Variants in PAK1 observed in about 807,000 individuals in gnomAD.
PAK1 encodes p21 (RAC1) activated kinase 1.
PAK1 carries 29 observed loss-of-function variants against 67.4 expected under a neutral mutation model. The observed-to-expected ratio is 0.43, with a 90% confidence interval of 0.32 to 0.59. The LOEUF is 0.59. Ranked by LOEUF, PAK1 falls within the 20% of genes least tolerant of loss-of-function variation. The pLI is 0.07. For synonymous variants in PAK1, 223 were observed against 237.4 expected (o/e 0.94, Z 0.56); for missense variants, 337 against 670.7 (o/e 0.50, Z 5.50).
Position 77,322,997 on chromosome 11 carries a change from AT to A in PAK1, c.*276del, listed in dbSNP as rs1375880215. ...TTTTGACACACGGAAGACTAGAAAC[AT>A]TTATTTATATAAACCCTTAATCATA... On this transcript the variant is annotated 3_prime_UTR_variant, in exon 15 of 15. Coordinates refer to ENST00000356341, the MANE Select transcript of PAK1 (RefSeq NM_002576.5). The A allele has an allele frequency of 9.6e-6, 6 of 626,824 alleles. No homozygotes were observed. In the African/African-American group the frequency reaches 1.1e-4, roughly 12 times the overall value. 38.8% of individuals were successfully genotyped at this position (626,824 alleles called of 1,614,324 possible).
chr11:77,524,210 T>C, the PAK1 span, among the ~76,000 whole-genome samples: 1 of 152,228 alleles, frequency 6.6e-6, no homozygotes, highest in Non-Finnish European at 1.5e-5. Context: ...AATGTTCTAA[T>C]TGTCATCAGG....
the PAK1 span, among the ~76,000 whole-genome samples, chr11:77,495,019 G>A: frequency 2.2e-4 from 34 of 151,668 alleles, 1 homozygote; most frequent in African/African-American, 7.5e-4. Context: ...AAAATTAGCC[G>A]GTTGTGGTGA....
At chr11:77,473,370 G>C (rs1301687735) in intron 1 of PAK1, 182 bp downstream of exon 1, 1 of 152,160 alleles carries the variant, frequency 6.6e-6, no homozygotes, top group South Asian at 2.1e-4. Flanking sequence ...TTGGCCCGAC[G>C]GGAGCGGGCC....
intron 1 of PAK1, among the ~76,000 whole-genome samples, chr11:77,464,473 A>C (rs1957500928): frequency 6.6e-6 from 1 of 152,222 alleles, no homozygotes; most frequent in South Asian, 2.1e-4. Context: ...AATCTTTGTA[A>C]GAGCAAGGAC....
chr11:77,463,359 G>C (rs570336177), intron 1 of PAK1, among the ~76,000 whole-genome samples: 1 of 151,916 alleles, frequency 6.6e-6, no homozygotes, highest in East Asian at 1.9e-4. Flanking sequence ...CCCTGCCAAT[G>C]TTTTATTTAA....
chr11:77,418,732 A>C (rs1358034491), intron 1 of PAK1, among the ~76,000 whole-genome samples: 1 of 152,210 alleles, frequency 6.6e-6, no homozygotes, highest in Admixed American at 6.5e-5. Flanking sequence ...TAAGTATGCC[A>C]TCTCTTTAAA....
intron 6 of PAK1, among the ~76,000 whole-genome samples, chr11:77,358,384 A>T (rs769017687): frequency 2.7e-4 from 41 of 152,176 alleles, no homozygotes; most frequent in Non-Finnish European, 4.9e-4. Context: ...GTTAAATAGA[A>T]ATCACTGCCA....
At chr11:77,418,833 A>G (rs1231177506) in intron 1 of PAK1, among the ~76,000 whole-genome samples, 1 of 152,226 alleles carries the variant, frequency 6.6e-6, no homozygotes, top group Non-Finnish European at 1.5e-5. Flanking sequence ...CCAGGAAATC[A>G]CCACTAATAG....
intron 1 of PAK1, among the ~76,000 whole-genome samples, chr11:77,429,093 A>C (rs1225483): frequency 0.26 from 27,548 of 106,308 alleles, 4,427 homozygotes; most frequent in Non-Finnish European, 0.32. Flanking sequence ...AAAAAAAAAA[A>C]ACACACACAC....
chr11:77,505,645 G>GT, the PAK1 span, among the ~76,000 whole-genome samples: 4 of 152,220 alleles, frequency 2.6e-5, no homozygotes, highest in Admixed American at 2.6e-4. Context: ...GGTATCTCAC[G>GT]TAAGTGGAAT....
At chr11:77,431,067 C>A (rs2138320437) in intron 1 of PAK1, among the ~76,000 whole-genome samples, 2 of 151,702 alleles carry the variant, frequency 1.3e-5, no homozygotes, top group East Asian at 3.9e-4. Flanking sequence ...TTCTGAACCA[C>A]CCCCACCCCC....
intron 7 of PAK1, among the ~76,000 whole-genome samples, chr11:77,354,722 T>C (rs572658054): frequency 1.3e-5 from 2 of 152,264 alleles, no homozygotes; most frequent in East Asian, 1.9e-4. Flanking sequence ...TTTAAAGTCA[T>C]ATAGGAATTA....
intron 1 of PAK1, among the ~76,000 whole-genome samples, chr11:77,404,000 T>C (rs1408866778): frequency 2.6e-5 from 4 of 152,150 alleles, no homozygotes; most frequent in African/African-American, 7.2e-5. Context: ...ACTTCCCTTG[T>C]TACTCTTGCT....
chr11:77,383,321 AT>A lies in PAK1; in HGVS notation c.191-3328del, dbSNP rs1162924725. On this transcript the variant is annotated intron_variant, in intron 2 of 14. Transcript: ENST00000356341. The stretch of plus-strand genomic sequence containing the variant: ...CAGGATTTAGCTTGGGTACTGTGTA[AT>A]TTTTTTTTTTTTTTTTTTTGAGACA... Among the ~76,000 whole-genome samples the A allele has an allele frequency of 7.1e-3, 967 of 135,626 alleles. 6 individuals are homozygous for A. Among genetic ancestry groups the A allele is most frequent in the African/African-American group, 0.017 (637 of 36,402 alleles). The allele number at this position is 135,626 out of a possible 152,430, so 89.0% of individuals were successfully genotyped here.
the PAK1 span, among the ~76,000 whole-genome samples, chr11:77,499,215 T>G: frequency 5.8e-3 from 876 of 151,690 alleles, 7 homozygotes; most frequent in African/African-American, 0.02. Flanking sequence ...CTACCAGGAA[T>G]ATCTATTGTT....
chr11:77,521,916 C>T, the PAK1 span, among the ~76,000 whole-genome samples: 3 of 151,946 alleles, frequency 2.0e-5, no homozygotes, highest in Admixed American at 1.3e-4. Context: ...CAGGGTTAGC[C>T]GAAAATGTAG....
At chr11:77,528,328 CTT>C in the PAK1 span, among the ~76,000 whole-genome samples, 1 of 147,058 alleles carries the variant, frequency 6.8e-6, no homozygotes, top group Admixed American at 6.8e-5. Context: ...CAAAAAATAA[CTT>C]TTTTTTTTGT....
At chr11:77,468,936 C>G (rs1322846973) in intron 1 of PAK1, among the ~76,000 whole-genome samples, 1 of 152,106 alleles carries the variant, frequency 6.6e-6, no homozygotes, top group African/African-American at 2.4e-5. Context: ...GAATACCTAT[C>G]TCATAGGGCT....
chr11:77,501,176 CA>C, the PAK1 span, among the ~76,000 whole-genome samples: 14 of 151,012 alleles, frequency 9.3e-5, no homozygotes, highest in African/African-American at 3.4e-4. Context: ...AAACAAAAAA[CA>C]AAAAACAACC....
Sources: allele counts gnomAD v4.1 joint callset (sites outside exome capture counted in the v4.1 genomes callset), GRCh38; gene constraint gnomAD v4.1.1; transcripts MANE v1.5; gene names NCBI Gene and HGNC (gene_info 2026-07-23, HGNC 2026-07-21).